GRXCR1: variants seen among roughly 807,000 people sequenced by gnomAD.
The protein encoded by GRXCR1 is glutaredoxin domain-containing cysteine-rich protein 1.
Under a neutral mutation model 27.3 loss-of-function variants are expected in GRXCR1, and 27 were observed. The ratio of observed to expected loss-of-function variants is 0.99; its 90% CI spans 0.73 to 1.37. The LOEUF is 1.37. GRXCR1 is among the 40% of genes most tolerant of loss of function. GRXCR1 has a pLI of 0.00. For missense variants in GRXCR1, 379 were observed against 354.4 expected (o/e 1.07, Z -0.56); for synonymous variants, 122 against 131.1 (o/e 0.93, Z 0.47).
At chr4:42,975,413 T>C (rs1164500778) in intron 2 of GRXCR1, among the ~76,000 whole-genome samples, 1 of 152,128 alleles carries the variant, frequency 6.6e-6, no homozygotes, top group Non-Finnish European at 1.5e-5. Context: ...TTTTCAGTTA[T>C]GTGTACCTAG....
chr4:42,983,371 T>C (rs555220864), intron 2 of GRXCR1, among the ~76,000 whole-genome samples: 2 of 149,392 alleles, frequency 1.3e-5, no homozygotes, highest in Non-Finnish European at 3.0e-5. Flanking sequence ...GTTGTAGATA[T>C]GCGGCGTTAT....
At chr4:42,992,602 A>G (rs1712010391) in intron 2 of GRXCR1, among the ~76,000 whole-genome samples, 2 of 152,106 alleles carry the variant, frequency 1.3e-5, no homozygotes, top group South Asian at 4.1e-4. Flanking sequence ...TATATTTCAT[A>G]TACTTAGAGT....
chr4:42,893,375 C>A lies in GRXCR1; in HGVS notation c.109C>A (p.Gln37Lys), dbSNP rs767669071. ...RVLKEVYEDG[Q>K]PSGSLDSECA... is the part of the protein sequence containing the mutation. ...TCTGAAGGAAGTGTATGAAGATGGG[C>A]AACCGTCAGGCTCTCTGGATTCTGA... Residue 37 changes from glutamine to lysine, a missense_variant, in exon 1 of 4, where the codon CAA becomes AAA. Gln to Lys is a moderately conservative substitution (Grantham distance 53). Coordinates refer to ENST00000399770, the MANE Select transcript of GRXCR1 (RefSeq NM_001080476.3). 6.2e-7 allele frequency: 1 copy of A among 1,613,808 alleles called. No homozygotes were observed. Among genetic ancestry groups the A allele is most frequent in the East Asian group, 2.2e-5 (1 of 44,846 alleles).
intron 1 of GRXCR1, among the ~76,000 whole-genome samples, chr4:42,904,393 T>C (rs1746537334): frequency 1.3e-5 from 2 of 152,180 alleles, no homozygotes; most frequent in South Asian, 4.1e-4. Flanking sequence ...GCCCCCCTTT[T>C]CTTTGTGAGA....
At chr4:42,925,087 G>T (rs1167138942) in intron 1 of GRXCR1, among the ~76,000 whole-genome samples, 1 of 151,808 alleles carries the variant, frequency 6.6e-6, no homozygotes, top group East Asian at 1.9e-4. Flanking sequence ...AGCTTATGAG[G>T]AGTTTCTGGA....
Position 42,967,429 on chromosome 4 carries a change from C to A in GRXCR1, c.627+4295C>A, listed in dbSNP as rs532780354. Among the ~76,000 whole-genome samples, 7 of 152,018 alleles carry A rather than the reference C, an allele frequency of 4.6e-5. No homozygotes were observed. In the South Asian group the frequency reaches 1.0e-3, roughly 23 times the overall value. On this transcript the variant is annotated intron_variant, in intron 2 of 3. Coordinates refer to ENST00000399770, the MANE Select transcript of GRXCR1 (RefSeq NM_001080476.3). ...CTGTTCTATTGGCCATTTATCTATT[C>A]TTTTACTAACTTAATCCAAATTTTT...
At chr4:42,936,158 T>G (rs1266096803) in intron 1 of GRXCR1, among the ~76,000 whole-genome samples, 1 of 151,922 alleles carries the variant, frequency 6.6e-6, no homozygotes, top group East Asian at 1.9e-4. Context: ...TTTGTTTCTT[T>G]GTCAAATAAT....
intron 2 of GRXCR1, among the ~76,000 whole-genome samples, chr4:43,013,231 T>A (rs560438044): frequency 1.3e-5 from 2 of 152,284 alleles, no homozygotes; most frequent in African/African-American, 4.8e-5. Flanking sequence ...ATTACAGCAC[T>A]ATTCACAATA....
intron 2 of GRXCR1, among the ~76,000 whole-genome samples, chr4:42,987,230 T>TATATATATATA (rs1384216158): frequency 2.5e-4 from 21 of 85,514 alleles, no homozygotes; most frequent in Non-Finnish European, 4.1e-4. Flanking sequence ...TATTATATAT[T>TATATATATATA]ATATATATAT....
intron 1 of GRXCR1, among the ~76,000 whole-genome samples, chr4:42,915,157 G>A (rs909328056): frequency 6.6e-6 from 1 of 152,124 alleles, no homozygotes; most frequent in Non-Finnish European, 1.5e-5. Flanking sequence ...GCACTCCCTG[G>A]GCAGCAGTAA....
rs1165318655 is a variant in GRXCR1, at chr4:42,913,805, C to T, written c.384+20155C>T. Reference sequence around the variant, plus strand: ...TTTTGTGGGCTGAGCCCAGGGCCCCCGCTTCTCTATACAGCCTCAGGACAT... The same window carrying T: ...TTTTGTGGGCTGAGCCCAGGGCCCCTGCTTCTCTATACAGCCTCAGGACAT... On this transcript the variant is annotated intron_variant, in intron 1 of 3. Transcript: ENST00000399770. Among the ~76,000 whole-genome samples the T allele has an allele frequency of 6.6e-5, 10 of 152,138 alleles. No individual in the cohort carries two copies. The East Asian group carries it at 1.2e-3, about 18-fold the overall frequency.
At chr4:42,990,701 C>CATTAG (rs1711945237) in intron 2 of GRXCR1, among the ~76,000 whole-genome samples, 1 of 151,798 alleles carries the variant, frequency 6.6e-6, no homozygotes, top group South Asian at 2.1e-4. Context: ...ATTGCATTGT[C>CATTAG]ATTAGACACT....
chr4:42,927,140 C>T (rs1325641451), intron 1 of GRXCR1, among the ~76,000 whole-genome samples: 1 of 152,012 alleles, frequency 6.6e-6, no homozygotes, highest in Non-Finnish European at 1.5e-5. Flanking sequence ...AACCATCCCA[C>T]AGGATTCAGG....
chr4:42,983,880 G>C (rs1025122533), intron 2 of GRXCR1, among the ~76,000 whole-genome samples: 2 of 148,524 alleles, frequency 1.3e-5, no homozygotes, highest in African/African-American at 5.0e-5. Flanking sequence ...CTGTCACCTG[G>C]GCTGCAGTGC....
At chr4:42,993,175 A>T (rs1712029469) in intron 2 of GRXCR1, among the ~76,000 whole-genome samples, 1 of 152,100 alleles carries the variant, frequency 6.6e-6, no homozygotes, top group Non-Finnish European at 1.5e-5. Flanking sequence ...AGTAAAAGGT[A>T]AGTGAAATAA....
At chr4:42,950,815 T>G (rs1392842034) in intron 1 of GRXCR1, among the ~76,000 whole-genome samples, 1 of 152,166 alleles carries the variant, frequency 6.6e-6, no homozygotes, top group Non-Finnish European at 1.5e-5. Flanking sequence ...ACTATATTAG[T>G]CAGCATTCTC....
intron 1 of GRXCR1, among the ~76,000 whole-genome samples, chr4:42,920,507 G>A (rs1438365263): frequency 1.3e-5 from 2 of 152,106 alleles, no homozygotes; most frequent in East Asian, 3.9e-4. Context: ...TGTAATGTAT[G>A]GTAAGCATGC....
intron 1 of GRXCR1, among the ~76,000 whole-genome samples, chr4:42,903,308 A>ATTTTTT (rs35512711): frequency 1.6e-4 from 10 of 63,228 alleles, no homozygotes; most frequent in Admixed American, 2.5e-4. Flanking sequence ...AGCTTTGTAG[A>ATTTTTT]TTTTTTTTTT....
At chr4:42,974,989 T>A (rs1748479246) in intron 2 of GRXCR1, among the ~76,000 whole-genome samples, 1 of 152,094 alleles carries the variant, frequency 6.6e-6, no homozygotes, top group Non-Finnish European at 1.5e-5. Flanking sequence ...TTAAATCTGG[T>A]CAGTTGTGTT....
Sources: gnomAD v4.1 joint callset for allele counts (sites outside exome capture counted in the v4.1 genomes callset) on GRCh38, gnomAD v4.1.1 for gene constraint, MANE v1.5 for transcripts, NCBI Gene and HGNC (gene_info 2026-07-23, HGNC 2026-07-21) for gene names.